Variants in PTP4A3 observed in about 807,000 individuals in gnomAD.
PTP4A3 encodes protein tyrosine phosphatase 4A3.
PTP4A3 carries 9 observed loss-of-function variants against 15.2 expected under a neutral mutation model. The observed-to-expected ratio is 0.59, with a 90% confidence interval of 0.36 to 1.03. PTP4A3 has a LOEUF of 1.03. PTP4A3 is among the 50% of genes least tolerant of loss of function. The pLI, the probability that PTP4A3 is intolerant of heterozygous loss-of-function variation, is 0.02. For synonymous variants in PTP4A3, 95 were observed against 102.0 expected (o/e 0.93, Z 0.41); for missense variants, 234 against 252.1 (o/e 0.93, Z 0.49).
In PTP4A3 at chr8:141,423,034, C is replaced by T. The variant is rs367565418; in HGVS notation, c.105+689C>T. Among the ~76,000 whole-genome samples, 48 of 152,298 alleles carry T rather than the reference C, an allele frequency of 3.2e-4. No individual in the cohort carries two copies. The South Asian group carries it at 4.6e-3, about 14-fold the overall frequency. On this transcript the variant is annotated intron_variant, in intron 2 of 5. Coordinates refer to ENST00000521578, the MANE Select transcript of PTP4A3 (RefSeq NM_032611.3). ...CGTTTGCAGCGTCTGCAGTTGTGTG[C>T]GGGGCCGTTGACAGAGCCTCTGACT...
intron 1 of PTP4A3, among the ~76,000 whole-genome samples, chr8:141,416,791 C>T (rs1833069893): frequency 6.6e-6 from 1 of 151,708 alleles, no homozygotes; most frequent in Non-Finnish European, 1.5e-5. Context: ...CGAGGGTTGC[C>T]GGCACAGCTG....
rs1397934977 is a variant in PTP4A3, at chr8:141,431,204, G to C, written c.*160G>C. 1.4e-5 allele frequency: 9 copies of C among 654,352 alleles called. No individual in the cohort carries two copies. The highest frequency in any genetic ancestry group is 1.3e-5 in the Non-Finnish European group (5 of 380,800). The allele number at this position is 654,352 out of a possible 1,614,324, so 40.5% of individuals were successfully genotyped here. A position where few individuals can be genotyped will look rare whatever the true frequency, so the allele number is the denominator to read the frequency against. The stretch of plus-strand genomic sequence containing the variant: ...CCGACACCTCCGTGCACTTGTGTCC[G>C]AGGAGCGAGGAGCCCCTCGGGCCCT... On this transcript the variant is annotated 3_prime_UTR_variant, in exon 6 of 6. Transcript: ENST00000521578.
intron 2 of PTP4A3, among the ~76,000 whole-genome samples, chr8:141,423,879 T>C (rs954514358): frequency 6.6e-6 from 1 of 151,778 alleles, no homozygotes; most frequent in African/African-American, 2.4e-5. Flanking sequence ...CAAGGCTCGG[T>C]ATGTGACCAG....
intron 1 of PTP4A3, among the ~76,000 whole-genome samples, chr8:141,401,003 C>A (rs1832576236): frequency 6.6e-6 from 1 of 152,112 alleles, no homozygotes; most frequent in African/African-American, 2.4e-5. Flanking sequence ...CAGGAAGGGG[C>A]AAGCCGGGTG....
Position 141,425,199 on chromosome 8 carries a change from G to GGGGGGC in PTP4A3, c.198+62_198+63insGGCGGG. On this transcript the variant is annotated intron_variant, in intron 3 of 5. Coordinates refer to ENST00000521578, the MANE Select transcript of PTP4A3 (RefSeq NM_032611.3). The surrounding 1 kb of genome is among the most constrained non-coding windows in gnomAD (Gnocchi z 4.2). The stretch of plus-strand genomic sequence containing the variant: ...CTGCCACCGGGGGAGGGTGGGGCGG[G>GGGGGGC]GGGCTCCGGGCCTGCGCAGAGGGTT... The GGGGGGC allele has an allele frequency of 2.4e-6, 2 of 844,218 alleles. No individual in the cohort carries two copies. The highest frequency in any genetic ancestry group is 2.6e-5 in the East Asian group (1 of 38,322). The allele number at this position is 844,218 out of a possible 1,614,324, so 52.3% of individuals were successfully genotyped here. A position where few individuals can be genotyped will look rare whatever the true frequency, so the allele number is the denominator to read the frequency against.
intron 1 of PTP4A3, among the ~76,000 whole-genome samples, chr8:141,417,696 G>C (rs1302981006): frequency 2.0e-5 from 3 of 152,064 alleles, no homozygotes; most frequent in Non-Finnish European, 4.4e-5. Context: ...CCGGGCGGCA[G>C]CGCCCCCGGC....
intron 1 of PTP4A3, among the ~76,000 whole-genome samples, chr8:141,410,151 G>A (rs1832830936): frequency 2.0e-5 from 3 of 152,378 alleles, no homozygotes; most frequent in Admixed American, 6.5e-5. Flanking sequence ...TGGGCTGTCT[G>A]AGGTTCTGTG....
intron 1 of PTP4A3, among the ~76,000 whole-genome samples, chr8:141,409,290 C>T (rs895396438): frequency 1.3e-5 from 2 of 152,240 alleles, no homozygotes; most frequent in Non-Finnish European, 2.9e-5. Flanking sequence ...GTCTCTGAGC[C>T]CTGGAGCTGG....
rs1032378546 is a variant in PTP4A3 at position 141,421,915 on chromosome 8, C to T, written c.-326C>T. The stretch of plus-strand genomic sequence containing the variant: ...TATTTTTTGCCTCTTTATGACTATC[C>T]AGCTCTGAGAGACGGGAGTTTGGAG... On this transcript the variant is annotated 5_prime_UTR_variant, in exon 2 of 6. An upstream open reading frame in the 5' UTR gains an earlier in-frame stop. Coordinates refer to ENST00000521578, the MANE Select transcript of PTP4A3 (RefSeq NM_032611.3). 1 of 344,838 alleles carries T rather than the reference C, an allele frequency of 2.9e-6. No individual in the cohort carries two copies. Among genetic ancestry groups the T allele is most frequent in the Admixed American group, 4.6e-5 (1 of 21,598 alleles). 21.4% of individuals were successfully genotyped at this position (344,838 alleles called of 1,614,324 possible). A position where few individuals can be genotyped will look rare whatever the true frequency, so the allele number is the denominator to read the frequency against.
At chr8:141,399,247 G>A (rs1333016717) in intron 1 of PTP4A3, among the ~76,000 whole-genome samples, 2 of 152,094 alleles carry the variant, frequency 1.3e-5, no homozygotes, top group African/African-American at 4.8e-5. Flanking sequence ...CTGATGCCTG[G>A]AACGCTGGCC....
In PTP4A3 at chr8:141,406,816, G is replaced by C. The variant is rs1832739649; in HGVS notation, c.-853-14572G>C. 6.6e-6 allele frequency among the ~76,000 whole-genome samples: 1 copy of C among 152,174 alleles called. No homozygotes were observed. Among genetic ancestry groups the C allele is most frequent in the African/African-American group, 2.4e-5 (1 of 41,456 alleles). On this transcript the variant is annotated intron_variant, in intron 1 of 5. Coordinates refer to ENST00000521578, the MANE Select transcript of PTP4A3 (RefSeq NM_032611.3). This position sits in a 1 kb window ranked among gnomAD's most constrained non-coding sequence, Gnocchi z 4.5. ...TCGCCCTGAATCCTCCTCTGAGCCG[G>C]CTTTGCCTCCTGCTGTTCCCACTGA...
intron 1 of PTP4A3, among the ~76,000 whole-genome samples, chr8:141,418,882 G>A (rs570528841): frequency 1.2e-4 from 18 of 152,294 alleles, no homozygotes; most frequent in African/African-American, 4.1e-4. Context: ...TGGTTATGGA[G>A]GGGTTTTCTC....
chr8:141,403,979 CA>C (rs1224354361), intron 1 of PTP4A3, among the ~76,000 whole-genome samples: 5 of 152,408 alleles, frequency 3.3e-5, no homozygotes, highest in African/African-American at 1.2e-4. Flanking sequence ...CCTGTCTCAG[CA>C]GCTCTGGGCA....
chr8:141,398,629 G>A (rs1369844904), intron 1 of PTP4A3, among the ~76,000 whole-genome samples: 1 of 152,144 alleles, frequency 6.6e-6, no homozygotes, highest in African/African-American at 2.4e-5. Context: ...GAGGGTGGAT[G>A]TGCTAGAACT....
chr8:141,416,719 T>G (rs1222280756), intron 1 of PTP4A3, among the ~76,000 whole-genome samples: 1 of 152,092 alleles, frequency 6.6e-6, no homozygotes, highest in Non-Finnish European at 1.5e-5. Context: ...CCCTTCAGAC[T>G]GGGCACAGCC....
chr8:141,427,867 AG>A, intron 5 of PTP4A3, 43 bp downstream of exon 5: 1 of 1,507,478 alleles, frequency 6.6e-7, no homozygotes, highest in Non-Finnish European at 9.0e-7. Context: ...GCGCTGGGGG[AG>A]GGGAGATCCG....
chr8:141,394,479 C>G (rs940887411), intron 1 of PTP4A3, among the ~76,000 whole-genome samples: 1 of 152,226 alleles, frequency 6.6e-6, no homozygotes, highest in Non-Finnish European at 1.5e-5. Flanking sequence ...CCTACTCCCT[C>G]TGGTCCCTGG....
intron 5 of PTP4A3, among the ~76,000 whole-genome samples, chr8:141,430,290 C>T (rs1439758203): frequency 2.2e-5 from 3 of 134,708 alleles, no homozygotes; most frequent in Non-Finnish European, 4.7e-5. Context: ...CAGTCCGGGT[C>T]CCCGCTGTAA....
At chr8:141,426,732 G>C in intron 3 of PTP4A3, 1 of 955,942 alleles carries the variant, frequency 1.0e-6, no homozygotes, top group Non-Finnish European at 1.2e-6. Context: ...GCAGTGTACA[G>C]GGAATGATGA....
Sources: gnomAD v4.1 joint callset for allele counts (sites outside exome capture counted in the v4.1 genomes callset) on GRCh38, gnomAD v4.1.1 for gene constraint, Gnocchi (gnomAD v3.1) non-coding constraint, MANE v1.5 for transcripts, NCBI Gene and HGNC (gene_info 2026-07-23, HGNC 2026-07-21) for gene names.